The following GLIS3 variants were observed in gnomAD, a reference collection of about 807,000 sequenced individuals.
GLIS3 encodes the protein zinc finger protein GLIS3.
In GLIS3, 53 loss-of-function variants were observed where a neutral mutation model predicts 78.6. That is an observed-to-expected ratio of 0.67 (90% confidence interval 0.54 to 0.85). The LOEUF (loss-of-function observed/expected upper bound fraction) is 0.85, where lower values mean the gene tolerates loss of function less well. Among genes scored for constraint, GLIS3 ranks in the 40% least tolerant of loss-of-function variants. The pLI, the probability that GLIS3 is intolerant of heterozygous loss-of-function variation, is 0.00. For synonymous variants in GLIS3, 684 were observed against 509.9 expected (o/e 1.34, Z -4.60); for missense variants, 1,703 against 1,231.1 (o/e 1.38, Z -5.74).
At chr9:3,859,312 T>A (rs1820003078) in intron 8 of GLIS3, among the ~76,000 whole-genome samples, 1 of 150,024 alleles carries the variant, frequency 6.7e-6, no homozygotes, top group African/African-American at 2.4e-5. Context: ...CCCCATTTTC[T>A]AAGTGTCTGC....
intron 9 of GLIS3, 45 bp from the exon 10 acceptor site, chr9:3,829,537 A>C: frequency 6.2e-7 from 1 of 1,604,400 alleles, no homozygotes; most frequent in Admixed American, 1.7e-5. Flanking sequence ...TTTGGGCACA[A>C]GTTCCACAGA....
intron 2 of GLIS3, among the ~76,000 whole-genome samples, chr9:4,281,122 T>G (rs528029052): frequency 2.0e-4 from 30 of 152,328 alleles, no homozygotes; most frequent in Non-Finnish European, 2.6e-4. Context: ...AGAAAAATAG[T>G]ATTTTTATTT....
the GLIS3 span, among the ~76,000 whole-genome samples, chr9:4,427,973 C>T: frequency 1.3e-5 from 2 of 151,270 alleles, no homozygotes; most frequent in Non-Finnish European, 2.9e-5. Context: ...CCTTACTACA[C>T]AGAAATCCTG....
intron 4 of GLIS3, among the ~76,000 whole-genome samples, chr9:4,038,998 G>A (rs2380931): frequency 0.15 from 22,144 of 152,146 alleles, 2,024 homozygotes; most frequent in East Asian, 0.44. Context: ...GTAAAGCTGA[G>A]CAGCTTGCCA....
Position 4,286,465 on chromosome 9 carries a change from T to C in GLIS3, c.-40A>G, listed in dbSNP as rs1281476167. On this transcript the variant is annotated 5_prime_UTR_variant, in exon 2 of 11. Transcript: ENST00000381971. Reference sequence around the variant, plus strand: ...GGCCAAGACGGTCAAATATCCAATGTCACTAATGACTCCTTTCAGGCAAAG... The same window carrying C: ...GGCCAAGACGGTCAAATATCCAATGCCACTAATGACTCCTTTCAGGCAAAG... 1 of 1,610,916 alleles carries C rather than the reference T, an allele frequency of 6.2e-7. No homozygotes were observed. Among genetic ancestry groups the C allele is most frequent in the Non-Finnish European group, 8.5e-7 (1 of 1,179,494 alleles).
chr9:4,366,313 G>C, the GLIS3 span, among the ~76,000 whole-genome samples: 6 of 152,120 alleles, frequency 3.9e-5, no homozygotes, highest in African/African-American at 1.4e-4. Context: ...GAAAAGAGTA[G>C]ACTTCTTTAG....
intron 4 of GLIS3, among the ~76,000 whole-genome samples, chr9:3,940,230 G>T (rs937751427): frequency 6.6e-6 from 1 of 152,038 alleles, no homozygotes; most frequent in African/African-American, 2.4e-5. Flanking sequence ...TACCAAAATT[G>T]GATTCTTTGA....
At chr9:4,150,601 C>G (rs1834601966) in intron 2 of GLIS3, among the ~76,000 whole-genome samples, 1 of 152,176 alleles carries the variant, frequency 6.6e-6, no homozygotes, top group African/African-American at 2.4e-5. Flanking sequence ...TCTCTCATAT[C>G]TTAAAAGACT....
At chr9:4,315,233 C>T (rs1324444789) in intron 2 of GLIS3, among the ~76,000 whole-genome samples, 2 of 152,162 alleles carry the variant, frequency 1.3e-5, no homozygotes, top group Admixed American at 1.3e-4. Flanking sequence ...CAAATCTCGT[C>T]ATCTTGTCAG....
At chr9:4,055,661 T>G (rs1255018272) in intron 4 of GLIS3, among the ~76,000 whole-genome samples, 1 of 152,184 alleles carries the variant, frequency 6.6e-6, no homozygotes, top group African/African-American at 2.4e-5. Context: ...AAACGAGGAA[T>G]GATGGTGTTA....
Position 4,237,080 on chromosome 9 carries a change from A to G in GLIS3, c.388+48958T>C, listed in dbSNP as rs187980437. On this transcript the variant is annotated intron_variant, in intron 2 of 10. Coordinates refer to ENST00000381971, the MANE Select transcript of GLIS3 (RefSeq NM_001042413.2). ...AAATGTTTTAGAAAGCAATTTAGCA[A>G]TAAGTATAAAGAATCACCAACATGT... Among the ~76,000 whole-genome samples the G allele has an allele frequency of 3.3e-5, 5 of 151,906 alleles. 1 individual carries two copies. Among genetic ancestry groups the G allele is most frequent in the African/African-American group, 7.2e-5 (3 of 41,516 alleles).
intron 4 of GLIS3, among the ~76,000 whole-genome samples, chr9:3,941,352 AT>A (rs940561468): frequency 5.1e-4 from 77 of 151,706 alleles, no homozygotes; most frequent in African/African-American, 1.7e-3. Flanking sequence ...CCAACTTTTT[AT>A]TTTATTTATT....
chr9:4,159,100 A>G (rs141189918), intron 2 of GLIS3, among the ~76,000 whole-genome samples: 1 of 151,392 alleles, frequency 6.6e-6, no homozygotes, highest in Non-Finnish European at 1.5e-5. Flanking sequence ...TACCAGATAA[A>G]TTTGCAGATG....
the GLIS3 span, among the ~76,000 whole-genome samples, chr9:4,477,226 G>A: frequency 6.6e-6 from 1 of 152,038 alleles, no homozygotes; most frequent in Non-Finnish European, 1.5e-5. Context: ...TGCAATCTTA[G>A]CCTTACAAAG....
rs150744542 is a variant in GLIS3 at position 4,041,608 on chromosome 9, GTTC to G, written c.1710+76157_1710+76159del. Among the ~76,000 whole-genome samples the G allele has an allele frequency of 8.5e-3, 1,301 of 152,184 alleles. 11 individuals carry two copies. Among genetic ancestry groups the G allele is most frequent in the East Asian group, 0.013 (69 of 5,172 alleles). On this transcript the variant is annotated intron_variant, in intron 4 of 10. Transcript: ENST00000381971. ...GGTGCTTCGTTTCCTAATCAGTATG[GTTC>G]TTGTTTGCCTATGCTCTGTGAGACA...
chr9:3,953,787 C>CTATATA (rs1416684149), intron 4 of GLIS3, among the ~76,000 whole-genome samples: 4 of 44,412 alleles, frequency 9.0e-5, no homozygotes, highest in Non-Finnish European at 1.5e-4. Flanking sequence ...CTCTCTCTCT[C>CTATATA]TCTCTCTCTA....
At chr9:4,262,188 C>T (rs576789836) in intron 2 of GLIS3, among the ~76,000 whole-genome samples, 10 of 152,136 alleles carry the variant, frequency 6.6e-5, no homozygotes, top group South Asian at 2.1e-4. Context: ...GAAAAGGAGA[C>T]GGAAAACTCT....
Position 4,195,004 on chromosome 9 carries a change from T to C in GLIS3, c.389-69063A>G, listed in dbSNP as rs887763056. Reference sequence around the variant, plus strand: ...TTTAGTCTCAGCCCAGAGATTGCAGTGCCTTCTCTAGAGCAGGGTAGGGGC... The same window carrying C: ...TTTAGTCTCAGCCCAGAGATTGCAGCGCCTTCTCTAGAGCAGGGTAGGGGC... On this transcript the variant is annotated intron_variant, in intron 2 of 10. Coordinates refer to ENST00000381971, the MANE Select transcript of GLIS3 (RefSeq NM_001042413.2). Among the ~76,000 whole-genome samples, 21 of 152,216 alleles carry C rather than the reference T, an allele frequency of 1.4e-4. 1 individual carries two copies. The highest frequency in any genetic ancestry group is 1.3e-3 in the Admixed American group (20 of 15,276).
chr9:4,233,495 T>G (rs915753002), intron 2 of GLIS3, among the ~76,000 whole-genome samples: 1 of 152,226 alleles, frequency 6.6e-6, no homozygotes, highest in Admixed American at 6.5e-5. Flanking sequence ...AGGAAATCTT[T>G]CTTTTTTGAG....
Sources: gnomAD v4.1 joint callset for allele counts (sites outside exome capture counted in the v4.1 genomes callset) on GRCh38, gnomAD v4.1.1 for gene constraint, MANE v1.5 for transcripts, NCBI Gene and HGNC (gene_info 2026-07-23, HGNC 2026-07-21) for gene names.